The following AGBL4 variants were observed in gnomAD, a reference collection of about 807,000 sequenced individuals.
AGBL4 encodes the protein cytosolic carboxypeptidase 6.
In AGBL4, 58 loss-of-function variants were observed where a neutral mutation model predicts 66.4. The observed-to-expected ratio is 0.87, with a 90% CI of 0.71 to 1.09. AGBL4 has a LOEUF of 1.09. Among genes scored for constraint, AGBL4 ranks in the 50% least tolerant of loss-of-function variants. AGBL4 has a pLI of 0.00. For missense variants in AGBL4, 579 were observed against 631.0 expected (o/e 0.92, Z 0.88); for synonymous variants, 234 against 222.9 (o/e 1.05, Z -0.44).
chr1:49,072,462 G>T (rs941912260), intron 4 of AGBL4, among the ~76,000 whole-genome samples: 1 of 152,110 alleles, frequency 6.6e-6, no homozygotes, highest in Non-Finnish European at 1.5e-5. Context: ...CTCAGCATTT[G>T]CTTGTCTGTA....
intron 9 of AGBL4, among the ~76,000 whole-genome samples, chr1:48,614,424 A>T (rs1300480280): frequency 1.3e-5 from 2 of 152,184 alleles, no homozygotes; most frequent in African/African-American, 4.8e-5. Context: ...CATCTAACTC[A>T]TTAATCCTAA....
Position 48,710,757 on chromosome 1 carries a change from G to A in AGBL4, c.635-47516C>T, listed in dbSNP as rs553226667. 3.0e-4 allele frequency among the ~76,000 whole-genome samples: 46 copies of A among 152,236 alleles called. 1 individual carries two copies. In the South Asian group the frequency reaches 3.7e-3, roughly 12 times the overall value. On this transcript the variant is annotated intron_variant, in intron 6 of 13. Transcript: ENST00000371839. ...TTCATACCTTGCCTATAGGCCCTGC[G>A]CTGGGAAGACCTAAAGATGAGTAAG...
intron 4 of AGBL4, among the ~76,000 whole-genome samples, chr1:49,220,264 T>C (rs1181797662): frequency 6.6e-6 from 1 of 152,184 alleles, no homozygotes; most frequent in East Asian, 1.9e-4. Context: ...CTGCTTTTCC[T>C]GTGTGATAAG....
intron 1 of AGBL4, among the ~76,000 whole-genome samples, chr1:49,936,607 A>T (rs968178257): frequency 1.3e-5 from 2 of 152,230 alleles, no homozygotes; most frequent in Non-Finnish European, 2.9e-5. Context: ...GTTACCCACA[A>T]AGGGAAGCCC....
intron 3 of AGBL4, among the ~76,000 whole-genome samples, chr1:49,584,545 T>A (rs1052058622): frequency 4.6e-5 from 7 of 152,194 alleles, no homozygotes; most frequent in African/African-American, 1.7e-4. Flanking sequence ...CCATAATTTT[T>A]CTTTTTAAGG....
At chr1:49,787,365 T>C (rs1048629331) in intron 2 of AGBL4, among the ~76,000 whole-genome samples, 2 of 151,692 alleles carry the variant, frequency 1.3e-5, no homozygotes, top group African/African-American at 4.8e-5. Flanking sequence ...TAGCCGGGCG[T>C]GGTGGCGGAC....
At chr1:48,524,698 T>G in the AGBL4 span, among the ~76,000 whole-genome samples, 1 of 152,210 alleles carries the variant, frequency 6.6e-6, no homozygotes, top group Non-Finnish European at 1.5e-5. Context: ...CATTCACAAC[T>G]GAACAAACTT....
intron 6 of AGBL4, among the ~76,000 whole-genome samples, chr1:48,691,175 AC>A (rs1331598437): frequency 2.4e-4 from 33 of 138,554 alleles, no homozygotes; most frequent in African/African-American, 8.4e-4. Flanking sequence ...AAAAAAAAAA[AC>A]ACATATATGT....
At chr1:49,656,411 G>A (rs894292527) in intron 3 of AGBL4, among the ~76,000 whole-genome samples, 4 of 152,042 alleles carry the variant, frequency 2.6e-5, no homozygotes, top group South Asian at 2.1e-4. Flanking sequence ...ATTCACAGCC[G>A]AATTCTACCA....
rs562012573 is a variant in AGBL4, at chr1:48,782,141, C to T, written c.634+85050G>A. ...CATTGTGGGGAAGGATTGGAGGGGA[C>T]GCAAGTCTGGGGAGACAGAGGCCTG... On this transcript the variant is annotated intron_variant, in intron 6 of 13. Coordinates refer to ENST00000371839, the MANE Select transcript of AGBL4 (RefSeq NM_032785.4). Among the ~76,000 whole-genome samples the T allele has an allele frequency of 1.4e-4, 21 of 152,302 alleles. No individual in the cohort carries two copies. In the South Asian group the frequency reaches 3.1e-3, roughly 23 times the overall value.
chr1:48,539,533 T>G (rs1199304508), intron 12 of AGBL4, 109 bp downstream of exon 12: 1 of 823,074 alleles, frequency 1.2e-6, no homozygotes, highest in Non-Finnish European at 1.8e-6. Context: ...TTATCTTTCC[T>G]GCGGCACAGA....
At chr1:49,943,452 C>CT (rs1159823167) in intron 1 of AGBL4, among the ~76,000 whole-genome samples, 1 of 152,134 alleles carries the variant, frequency 6.6e-6, no homozygotes, top group Non-Finnish European at 1.5e-5. Flanking sequence ...CCCAAATACT[C>CT]TAAGTGCCCA....
chr1:49,270,764 A>G, intron 3 of AGBL4, among the ~76,000 whole-genome samples: 1 of 152,194 alleles, frequency 6.6e-6, no homozygotes, highest in East Asian at 1.9e-4. Flanking sequence ...TGGAATAAGT[A>G]CATCATTGGG....
intron 5 of AGBL4, among the ~76,000 whole-genome samples, chr1:49,042,633 C>T (rs1298341516): frequency 6.6e-6 from 1 of 152,102 alleles, no homozygotes; most frequent in African/African-American, 2.4e-5. Context: ...AGGTTGAGGG[C>T]CACATCCCAA....
At chr1:49,401,578 G>A (rs1340407490) in intron 3 of AGBL4, among the ~76,000 whole-genome samples, 1 of 152,094 alleles carries the variant, frequency 6.6e-6, no homozygotes, top group Non-Finnish European at 1.5e-5. Flanking sequence ...TGTCGAATTT[G>A]GTTTGCTAGT....
At chr1:48,548,421 C>T (rs1377796311) in intron 11 of AGBL4, among the ~76,000 whole-genome samples, 1 of 152,192 alleles carries the variant, frequency 6.6e-6, no homozygotes, top group East Asian at 1.9e-4. Context: ...CAGCCCAATC[C>T]CAAACTGGGG....
intron 5 of AGBL4, among the ~76,000 whole-genome samples, chr1:48,997,605 A>G (rs116314902): frequency 0.011 from 1,747 of 152,272 alleles, 30 homozygotes; most frequent in African/African-American, 0.04. Context: ...CTCAAGAGGA[A>G]GAGCTCTATA....
intron 5 of AGBL4, among the ~76,000 whole-genome samples, chr1:48,897,806 CTTTT>C (rs55889870): frequency 0.49 from 63,044 of 127,466 alleles, 17,576 homozygotes; most frequent in Non-Finnish European, 0.65. Context: ...CTTTTGCCCA[CTTTT>C]TTTTTTTTTT....
chr1:49,915,192 C>A (rs148752649), intron 1 of AGBL4, among the ~76,000 whole-genome samples: 4 of 152,212 alleles, frequency 2.6e-5, no homozygotes, highest in Admixed American at 2.6e-4. Flanking sequence ...GCATTTCCAA[C>A]GGAGGTACTG....
Sources: gnomAD v4.1 joint callset for allele counts (sites outside exome capture counted in the v4.1 genomes callset) on GRCh38, gnomAD v4.1.1 for gene constraint, MANE v1.5 for transcripts, NCBI Gene and HGNC (gene_info 2026-07-23, HGNC 2026-07-21) for gene names.